Variants in PIK3C2G observed in about 807,000 individuals in gnomAD.
The protein encoded by PIK3C2G is phosphatidylinositol 3-kinase C2 domain-containing subunit gamma.
In PIK3C2G, 168 loss-of-function variants were observed where a neutral mutation model predicts 181.1. The ratio of observed to expected loss-of-function variants is 0.93; its 90% CI spans 0.82 to 1.05. The LOEUF is 1.05. PIK3C2G is among the 50% of genes least tolerant of loss of function. The pLI, the probability that PIK3C2G is intolerant of heterozygous loss-of-function variation, is 0.00. For missense variants in PIK3C2G, 1,869 were observed against 1,732.8 expected (o/e 1.08, Z -1.40); for synonymous variants, 573 against 592.2 (o/e 0.97, Z 0.47).
chr12:18,255,737 T>C (rs1471160529), intron 1 of PIK3C2G, among the ~76,000 whole-genome samples: 1 of 152,168 alleles, frequency 6.6e-6, no homozygotes, highest in East Asian at 1.9e-4. Context: ...TAGTTAGCCA[T>C]CATCAGGAAA....
intron 15 of PIK3C2G, among the ~76,000 whole-genome samples, chr12:18,399,194 C>CAAAAAAAAAAAAAAAAA (rs536592064): frequency 2.1e-3 from 165 of 79,322 alleles, no homozygotes; most frequent in African/African-American, 2.6e-3. Context: ...GACTCCGTCT[C>CAAAAAAAAAAAAAAAAA]AAAAAAAAAA....
chr12:18,628,706 G>A (rs937366334), intron 31 of PIK3C2G, among the ~76,000 whole-genome samples: 7 of 152,186 alleles, frequency 4.6e-5, no homozygotes, highest in African/African-American at 1.7e-4. Context: ...ATTCTAAGAA[G>A]ATCCTAAGGT....
At chr12:18,595,358 T>C (rs757234588) in intron 30 of PIK3C2G, among the ~76,000 whole-genome samples, 2 of 151,992 alleles carry the variant, frequency 1.3e-5, no homozygotes, top group Non-Finnish European at 2.9e-5. Flanking sequence ...ATCATTCGAG[T>C]GTATTAAAGT....
Position 18,500,883 on chromosome 12 carries a change from G to T in PIK3C2G, c.3017-2398G>T, listed in dbSNP as rs117931298. ...GCCTTTATGAGCTGCAACCCTCACC[G>T]CGAAGGTCTGTAGCTTCACTCCTGA... is the stretch of plus-strand genomic sequence containing the variant. On this transcript the variant is annotated intron_variant, in intron 22 of 32. Coordinates refer to ENST00000538779, the MANE Select transcript of PIK3C2G (RefSeq NM_001288772.2). 4.5e-3 allele frequency among the ~76,000 whole-genome samples: 687 copies of T among 152,104 alleles called. 5 individuals are homozygous for T. The highest frequency in any genetic ancestry group is 0.01 in the Middle Eastern group (3 of 294).
At chr12:18,342,323 G>A (rs1323128580) in intron 9 of PIK3C2G, among the ~76,000 whole-genome samples, 1 of 151,934 alleles carries the variant, frequency 6.6e-6, no homozygotes, top group Non-Finnish European at 1.5e-5. Context: ...TAATTAAAAA[G>A]TTGCATATAA....
upstream of PIK3C2G, among the ~76,000 whole-genome samples, chr12:18,259,222 T>C (rs1209316751): frequency 6.6e-6 from 1 of 152,104 alleles, no homozygotes; most frequent in Non-Finnish European, 1.5e-5. Context: ...CAGTAGATAC[T>C]CTATCAGAAC....
the PIK3C2G span, among the ~76,000 whole-genome samples, chr12:18,682,376 C>CTT: frequency 6.6e-6 from 1 of 151,996 alleles, no homozygotes; most frequent in Non-Finnish European, 1.5e-5. Context: ...AAGTCCCTGA[C>CTT]TTTGTCAAAC....
At chr12:18,539,887 T>G (rs2136245652) in intron 25 of PIK3C2G, among the ~76,000 whole-genome samples, 1 of 151,984 alleles carries the variant, frequency 6.6e-6, no homozygotes, top group African/African-American at 2.4e-5. Context: ...CAAGATTACT[T>G]TTCAGTAATA....
chr12:18,292,215 A>AC lies in PIK3C2G; in HGVS notation c.919+1203_919+1204insC, dbSNP rs1303519693. Among the ~76,000 whole-genome samples the AC allele has an allele frequency of 3.1e-3, 253 of 82,328 alleles. 7 individuals are homozygous for AC. Among genetic ancestry groups the AC allele is most frequent in the African/African-American group, 0.012 (240 of 19,500 alleles). 54.0% of individuals were successfully genotyped at this position (82,328 alleles called of 152,430 possible). On this transcript the variant is annotated intron_variant, in intron 4 of 32. Coordinates refer to ENST00000538779, the MANE Select transcript of PIK3C2G (RefSeq NM_001288772.2). ...ACAAGAGCAAAACTCCATCTCAAAA[A>AC]AAAAAAAAAAAAATATATATATATA...
intron 23 of PIK3C2G, 47 bp from the exon 24 acceptor site, chr12:18,505,245 C>T (rs1457724176): frequency 1.4e-6 from 2 of 1,474,020 alleles, no homozygotes; most frequent in African/African-American, 1.4e-5. Context: ...AATGCATTTG[C>T]TCATTTTTTG....
chr12:18,649,664 T>C (rs1013917602), downstream of PIK3C2G, among the ~76,000 whole-genome samples: 13 of 152,156 alleles, frequency 8.5e-5, no homozygotes, highest in African/African-American at 2.9e-4. Flanking sequence ...GCTCCCACCA[T>C]TTCAATGAAA....
chr12:18,392,334 G>A (rs2138059545), intron 15 of PIK3C2G, among the ~76,000 whole-genome samples: 1 of 152,184 alleles, frequency 6.6e-6, no homozygotes, highest in South Asian at 2.1e-4. Context: ...CCATACTAGG[G>A]CACTGAGTGC....
At chr12:18,328,828 TAGAATC>T (rs1375194345) in intron 8 of PIK3C2G, among the ~76,000 whole-genome samples, 1 of 151,908 alleles carries the variant, frequency 6.6e-6, no homozygotes, top group Non-Finnish European at 1.5e-5. Flanking sequence ...GAGGATTGTA[TAGAATC>T]CAGAAGAAAA....
intron 18 of PIK3C2G, among the ~76,000 whole-genome samples, chr12:18,476,120 G>C (rs1187142479): frequency 1.3e-5 from 2 of 152,108 alleles, no homozygotes; most frequent in African/African-American, 4.8e-5. Flanking sequence ...ACGAATAGAG[G>C]AAAGTACTTC....
chr12:18,337,842 C>T (rs1407625771), intron 8 of PIK3C2G, among the ~76,000 whole-genome samples: 1 of 152,044 alleles, frequency 6.6e-6, no homozygotes, highest in Non-Finnish European at 1.5e-5. Flanking sequence ...TTGTCATCAG[C>T]GATTTTTTTG....
chr12:18,317,423 A>T (rs1950917196), intron 6 of PIK3C2G, among the ~76,000 whole-genome samples: 1 of 152,176 alleles, frequency 6.6e-6, no homozygotes, highest in Non-Finnish European at 1.5e-5. Flanking sequence ...TAAGTACTTT[A>T]TACAGTATAT....
chr12:18,423,822 A>G, intron 17 of PIK3C2G, 123 bp from the exon 18 acceptor site: 1 of 646,758 alleles, frequency 1.5e-6, no homozygotes, highest in South Asian at 1.8e-5. Context: ...CGAATGTGTT[A>G]TTAGCATTTT....
chr12:18,331,200 AT>A (rs1161662058), intron 8 of PIK3C2G, among the ~76,000 whole-genome samples: 1 of 152,126 alleles, frequency 6.6e-6, no homozygotes, highest in African/African-American at 2.4e-5. Flanking sequence ...GTTTAAAAAA[AT>A]ATTTGGCTAT....
At chr12:18,311,218 A>G (rs1365425413) in intron 5 of PIK3C2G, among the ~76,000 whole-genome samples, 1 of 152,036 alleles carries the variant, frequency 6.6e-6, no homozygotes, top group African/African-American at 2.4e-5. Context: ...ACACACACAC[A>G]CACGAGGACA....
Sources: allele counts gnomAD v4.1 joint callset (sites outside exome capture counted in the v4.1 genomes callset), GRCh38; gene constraint gnomAD v4.1.1; transcripts MANE v1.5; gene names NCBI Gene and HGNC (gene_info 2026-07-23, HGNC 2026-07-21).